Variants in DBF4 observed in about 807,000 individuals in gnomAD.
The protein encoded by DBF4 is DBF4-CDC7 kinase regulatory subunit.
Under a neutral mutation model 76.6 loss-of-function variants are expected in DBF4, and 25 were observed. That is an observed-to-expected ratio of 0.33 (90% confidence interval 0.24 to 0.46). DBF4 has a LOEUF of 0.46. Among genes scored for constraint, DBF4 ranks in the 20% least tolerant of loss-of-function variants. The pLI is 1.00. For synonymous variants in DBF4, 213 were observed against 258.0 expected, an observed-to-expected ratio of 0.83 and a Z score of 1.67; for missense variants, 638 against 760.8, an observed-to-expected ratio of 0.84 and a Z score of 1.90.
Position 87,907,622 on chromosome 7 carries a change from T to C in DBF4, c.1484T>C (p.Phe495Ser). The C allele has an allele frequency of 6.2e-7, 1 of 1,614,084 alleles. No individual in the cohort carries two copies. The change falls in exon 12 of 12, where the codon TTC becomes TCC. Residue 495 changes from phenylalanine (F) to serine (S), a missense_variant. Phe to Ser is a radical substitution (Grantham distance 155, BLOSUM62 -2). Coordinates refer to ENST00000265728, the MANE Select transcript of DBF4 (RefSeq NM_006716.4). ...NIQASVHVSDFSTDNSGSQPK... is the reference protein window; with the variant it reads ...NIQASVHVSDSSTDNSGSQPK... ...CAGGCATCTGTACATGTTTCTGATT[T>C]CAGTACAGATAATAGTGGATCTCAA...
intron 6 of DBF4, among the ~76,000 whole-genome samples, chr7:87,889,705 G>C (rs1057503591): frequency 6.6e-6 from 1 of 152,128 alleles, no homozygotes; most frequent in Non-Finnish European, 1.5e-5. Flanking sequence ...AGGATAATTT[G>C]CAGAAAGCAA....
intron 6 of DBF4, among the ~76,000 whole-genome samples, chr7:87,893,375 A>G (rs1196873390): frequency 6.6e-6 from 1 of 151,014 alleles, no homozygotes; most frequent in Non-Finnish European, 1.5e-5. Context: ...CCTCCCGAGT[A>G]GCTGGGACTA....
intron 6 of DBF4, among the ~76,000 whole-genome samples, chr7:87,889,382 C>T (rs1175049481): frequency 8.6e-5 from 13 of 151,602 alleles, no homozygotes; most frequent in African/African-American, 3.2e-4. Context: ...CGGGCTCAAG[C>T]GATCCTCCCA....
chr7:87,898,818 AG>A (rs1232212055), intron 8 of DBF4, among the ~76,000 whole-genome samples: 51 of 151,992 alleles, frequency 3.4e-4, no homozygotes, highest in African/African-American at 1.2e-3. Flanking sequence ...AGAACAACAA[AG>A]TAAGAGGTCT....
intron 8 of DBF4, among the ~76,000 whole-genome samples, chr7:87,899,033 G>T (rs558334667): frequency 1.3e-5 from 2 of 152,220 alleles, no homozygotes; most frequent in South Asian, 2.1e-4. Context: ...GAGAAAACTA[G>T]ATATACACAT....
rs971750024 is a variant in DBF4, at chr7:87,876,541, C to T, written c.-192C>T. 1.6e-6 allele frequency: 1 copy of T among 622,144 alleles called. No homozygotes were observed. Among genetic ancestry groups the T allele is most frequent in the South Asian group, 1.8e-5 (1 of 54,286 alleles). 38.5% of individuals were successfully genotyped at this position (622,144 alleles called of 1,614,324 possible). On this transcript the variant is annotated 5_prime_UTR_variant, in exon 1 of 12. Transcript: ENST00000265728. Reference sequence around the variant, plus strand: ...CTCGTTTGTGCTTTGCGCCTTCCTCCTCCGCGCCTTGGAGCCGGATCCGGC... The same window carrying T: ...CTCGTTTGTGCTTTGCGCCTTCCTCTTCCGCGCCTTGGAGCCGGATCCGGC...
At chr7:87,895,856 AAAT>A (rs542366264) in intron 6 of DBF4, among the ~76,000 whole-genome samples, 2 of 152,308 alleles carry the variant, frequency 1.3e-5, no homozygotes, top group East Asian at 3.9e-4. Flanking sequence ...GGAGAAAAGA[AAAT>A]AATACAGGGA....
At chr7:87,905,102 C>T (rs1384482871) in intron 11 of DBF4, among the ~76,000 whole-genome samples, 1 of 152,150 alleles carries the variant, frequency 6.6e-6, no homozygotes, top group Non-Finnish European at 1.5e-5. Flanking sequence ...AGGCGTGTGC[C>T]ACTACACCCC....
At position 87,900,838 on chromosome 7, in the gene DBF4, A is replaced by G. The variant is rs779324016; in HGVS notation, c.884A>G (p.Tyr295Cys). 5.0e-6 allele frequency: 8 copies of G among 1,613,336 alleles called. No individual in the cohort carries two copies. In the Admixed American group the frequency reaches 1.2e-4, roughly 24 times the overall value. ...LQLKEKKKKG[Y>C]CECCLQKYED... Reference sequence around the variant, plus strand: ...TTGAAAGAGAAGAAGAAAAAAGGATATTGTGAATGTTGCTTGCAGAAATAT... The same window carrying G: ...TTGAAAGAGAAGAAGAAAAAAGGATGTTGTGAATGTTGCTTGCAGAAATAT... Residue 295 changes from tyrosine (Y) to cysteine (C), a missense_variant, in exon 10 of 12, where the codon TAT becomes TGT. Physicochemically the swap from Tyr to Cys is radical, Grantham distance 194. Transcript: ENST00000265728.
chr7:87,902,378 A>G (rs1839809239), intron 10 of DBF4, among the ~76,000 whole-genome samples: 1 of 152,202 alleles, frequency 6.6e-6, no homozygotes, highest in Admixed American at 6.5e-5. Flanking sequence ...CAAGGGATTA[A>G]TTAACACATA....
At chr7:87,894,151 T>C (rs1449311946) in intron 6 of DBF4, among the ~76,000 whole-genome samples, 1 of 152,232 alleles carries the variant, frequency 6.6e-6, no homozygotes, top group Admixed American at 6.5e-5. Flanking sequence ...TTAAACTTTT[T>C]GCTTGAAAAA....
chr7:87,899,310 C>A (rs1839710734), intron 8 of DBF4, among the ~76,000 whole-genome samples: 1 of 152,162 alleles, frequency 6.6e-6, no homozygotes, highest in South Asian at 2.1e-4. Flanking sequence ...GAAGAAGATA[C>A]TGCAAGTCAT....
intron 1 of DBF4, 145 bp downstream of exon 1, chr7:87,876,923 T>G: frequency 1.2e-6 from 1 of 862,222 alleles, no homozygotes; most frequent in Non-Finnish European, 1.8e-6. Flanking sequence ...GGAGCCCCCG[T>G]TCAGTGTTTT....
intron 10 of DBF4, among the ~76,000 whole-genome samples, chr7:87,904,011 T>C (rs1235016022): frequency 1.3e-5 from 2 of 152,242 alleles, no homozygotes; most frequent in African/African-American, 4.8e-5. Flanking sequence ...CTTCGTTTTC[T>C]GACACAGCTC....
intron 6 of DBF4, among the ~76,000 whole-genome samples, chr7:87,893,537 G>T (rs892851941): frequency 6.6e-6 from 1 of 152,170 alleles, no homozygotes; most frequent in African/African-American, 2.4e-5. Flanking sequence ...GAGCCACCGC[G>T]CCCGGCCTTC....
intron 1 of DBF4, among the ~76,000 whole-genome samples, chr7:87,877,136 A>G (rs1839080061): frequency 6.6e-6 from 1 of 152,220 alleles, no homozygotes; most frequent in East Asian, 1.9e-4. Context: ...GAGGCGACGG[A>G]CTGCATCCTC....
chr7:87,908,264 T>C lies in DBF4; in HGVS notation c.*101T>C. On this transcript the variant is annotated 3_prime_UTR_variant, in exon 12 of 12. Transcript: ENST00000265728. ...CTTAGGATTTTTTTACCAGCTTTGT[T>C]TACAGACCCAAATGTAAATATTAAA... 8.4e-7 allele frequency: 1 copy of C among 1,183,586 alleles called. No individual in the cohort carries two copies. Among genetic ancestry groups the C allele is most frequent in the Non-Finnish European group, 1.1e-6 (1 of 896,486 alleles). The allele number at this position is 1,183,586 out of a possible 1,614,324, so 73.3% of individuals were successfully genotyped here.
rs1424181967 is a variant in DBF4 at position 87,909,470 on chromosome 7, C to T, written c.*1307C>T. On this transcript the variant is annotated 3_prime_UTR_variant, in exon 12 of 12. Coordinates refer to ENST00000265728, the MANE Select transcript of DBF4 (RefSeq NM_006716.4). ...TGATCATTTGGATAACATCAATGAA[C>T]ACTGGCTTTTTAACACCTTTGTTTT... The T allele has an allele frequency of 1.3e-5, 2 of 152,178 alleles. No individual in the cohort carries two copies. The highest frequency in any genetic ancestry group is 2.9e-5 in the Non-Finnish European group (2 of 68,022). 9.4% of individuals were successfully genotyped at this position (152,178 alleles called of 1,614,324 possible).
intron 10 of DBF4, among the ~76,000 whole-genome samples, chr7:87,901,438 T>G (rs1466107312): frequency 6.6e-6 from 1 of 152,138 alleles, no homozygotes; most frequent in African/African-American, 2.4e-5. Context: ...CATGGTCAGA[T>G]TGTGGATTTG....
Sources: gnomAD v4.1 joint callset for allele counts (sites outside exome capture counted in the v4.1 genomes callset) on GRCh38, gnomAD v4.1.1 for gene constraint, MANE v1.5 for transcripts, NCBI Gene and HGNC (gene_info 2026-07-23, HGNC 2026-07-21) for gene names.